The following FBLN2 variants were observed in gnomAD, a reference collection of about 807,000 sequenced individuals.
The protein encoded by FBLN2 is fibulin 2.
FBLN2 carries 81 observed loss-of-function variants against 123.7 expected under a neutral mutation model. The observed-to-expected ratio is 0.65, with a 90% CI of 0.55 to 0.79. The LOEUF (loss-of-function observed/expected upper bound fraction) is 0.79. Among genes scored for constraint, FBLN2 ranks in the 30% least tolerant of loss-of-function variants. FBLN2 has a pLI of 0.00. For missense variants in FBLN2, 1,603 were observed against 1,681.3 expected (o/e 0.95, Z 0.81); for synonymous variants, 699 against 701.4 (o/e 1.00, Z 0.05).
intron 9 of FBLN2, among the ~76,000 whole-genome samples, chr3:13,626,226 G>C (rs1388782610): frequency 6.6e-6 from 1 of 152,224 alleles, no homozygotes; most frequent in African/African-American, 2.4e-5. Flanking sequence ...TGTACACCCA[G>C]TGCCAAGAAC....
At chr3:13,590,182 A>AT (rs1033852561) in intron 2 of FBLN2, among the ~76,000 whole-genome samples, 63 of 152,022 alleles carry the variant, frequency 4.1e-4, no homozygotes, top group Non-Finnish European at 5.0e-4. Context: ...ATTATTTTTT[A>AT]TTTTTTTGTA....
chr3:13,560,871 T>G (rs1032616526), intron 1 of FBLN2, among the ~76,000 whole-genome samples: 1 of 151,992 alleles, frequency 6.6e-6, no homozygotes, highest in Non-Finnish European at 1.5e-5. Flanking sequence ...TGGAGTGCAG[T>G]GGTGTGATTA....
rs915869624 is a variant in FBLN2 at position 13,614,171 on chromosome 3, G to A, written c.1729+7G>A. 1 of 1,609,200 alleles carries A rather than the reference G, an allele frequency of 6.2e-7. No homozygotes were observed. The highest frequency in any genetic ancestry group is 1.1e-5 in the South Asian group (1 of 91,006). On this transcript the variant is annotated splice_region_variant and intron_variant, in intron 5 of 17. Transcript: ENST00000404922. Reference sequence around the variant, plus strand: ...GCAGCTGCACCACGGAGAGGTGAGTGCTGCTCTTCCCTGGCTGCGGCATAT... The same window carrying A: ...GCAGCTGCACCACGGAGAGGTGAGTACTGCTCTTCCCTGGCTGCGGCATAT...
intron 2 of FBLN2, among the ~76,000 whole-genome samples, chr3:13,573,386 T>C (rs1704025642): frequency 1.3e-5 from 2 of 151,956 alleles, no homozygotes; most frequent in Non-Finnish European, 2.9e-5. Context: ...CAGGGAGCCT[T>C]CCCTGACCCC....
chr3:13,634,197 C>T (rs563125416), intron 16 of FBLN2, among the ~76,000 whole-genome samples: 1 of 152,348 alleles, frequency 6.6e-6, no homozygotes, highest in Non-Finnish European at 1.5e-5. Flanking sequence ...CTGTTTCGTC[C>T]TTTTTGCTCT....
intron 11 of FBLN2, among the ~76,000 whole-genome samples, chr3:13,628,535 T>C (rs1706129463): frequency 6.6e-6 from 1 of 151,992 alleles, no homozygotes. Flanking sequence ...ATCAACTCCT[T>C]CCAAAAAAGG....
At chr3:13,607,153 A>G (rs1050401154) in intron 2 of FBLN2, among the ~76,000 whole-genome samples, 2 of 151,272 alleles carry the variant, frequency 1.3e-5, no homozygotes, top group Non-Finnish European at 2.9e-5. Flanking sequence ...GTGCCTGGCT[A>G]ATTTTTGTAT....
At position 13,626,476 on chromosome 3, in the gene FBLN2, G is replaced by C; in HGVS notation, c.2328G>C (p.Thr776=). 1.3e-6 allele frequency: 2 copies of C among 1,581,358 alleles called. No homozygotes were observed. The highest frequency in any genetic ancestry group is 1.7e-6 in the Non-Finnish European group (2 of 1,163,448). The stretch of plus-strand genomic sequence containing the variant: ...ACGAGTGTGTGACGGACCTGCACAC[G>C]TGCAGCCGGGGCGAGCACTGTGTGA... ...DINECVTDLH[T]CSRGEHCVNT... Residue 776 remains threonine (T), a synonymous_variant, in exon 10 of 18, where the codon ACG becomes ACC. Transcript: ENST00000404922.
chr3:13,564,166 A>G lies in FBLN2; in HGVS notation c.-41-6149A>G, dbSNP rs149724964. ...CCCACAAACACATCTGTGTGTGAAC[A>G]GGCTGGGTGGCTGGTTTGTGCCTGC... On this transcript the variant is annotated intron_variant, in intron 1 of 17. Transcript: ENST00000404922. Among the ~76,000 whole-genome samples the G allele has an allele frequency of 5.9e-5, 9 of 152,300 alleles. 1 individual carries two copies. The highest frequency in any genetic ancestry group is 2.2e-4 in the African/African-American group (9 of 41,556).
chr3:13,603,931 G>C (rs1705122236), intron 2 of FBLN2, among the ~76,000 whole-genome samples: 1 of 152,114 alleles, frequency 6.6e-6, no homozygotes, highest in South Asian at 2.1e-4. Context: ...TCACCATTCT[G>C]ACTGGTGTGA....
rs1364189359 is a variant in FBLN2, at chr3:13,549,133, C to T, written c.-117C>T. On this transcript the variant is annotated 5_prime_UTR_variant, in exon 1 of 18. Transcript: ENST00000404922. ...TCCGCCCCGCCCCGCGCGCACACAG[C>T]CAGGGGCCGCCCGGGCTCTCGACGC... 1 of 982,598 alleles carries T rather than the reference C, an allele frequency of 1.0e-6. No individual in the cohort carries two copies. The highest frequency in any genetic ancestry group is 1.2e-6 in the Non-Finnish European group (1 of 828,908). The allele number at this position is 982,598 out of a possible 1,614,324, so 60.9% of individuals were successfully genotyped here. A position where few individuals can be genotyped will look rare whatever the true frequency, so the allele number is the denominator to read the frequency against.
At chr3:13,631,803 G>A (rs935741616) in intron 16 of FBLN2, among the ~76,000 whole-genome samples, 3 of 152,186 alleles carry the variant, frequency 2.0e-5, no homozygotes, top group African/African-American at 7.2e-5. Flanking sequence ...CCCAGGCAGT[G>A]TCCCGAGTCT....
chr3:13,614,222 C>T (rs1705501628), intron 5 of FBLN2, 58 bp downstream of exon 5: 5 of 1,542,888 alleles, frequency 3.2e-6, no homozygotes, highest in South Asian at 1.2e-5. Context: ...TGACCTCTGG[C>T]CTTCTGTGGG....
Position 13,618,115 on chromosome 3 carries a change from T to C in FBLN2, c.1769T>C (p.Leu590Pro), listed in dbSNP as rs1705698079. The C allele has an allele frequency of 1.2e-6, 2 of 1,613,494 alleles. No individual in the cohort carries two copies. Among genetic ancestry groups the C allele is most frequent in the Admixed American group, 3.3e-5 (2 of 60,032 alleles). Residue 590 changes from leucine to proline, a missense_variant, in exon 6 of 18, where the codon CTG (leucine) becomes CCG (proline). By Grantham distance (98) the Leu-to-Pro change is moderately conservative. Coordinates refer to ENST00000404922, the MANE Select transcript of FBLN2 (RefSeq NM_001004019.2). ...ATGGCGGGCCGAGAGGCCCTGTCAC[T>C]GGGCACAGAGGCCGAGCTGCCGAAC... ...AEMAGREALSLGTEAELPNSL... is the reference protein window; with the variant it reads ...AEMAGREALSPGTEAELPNSL...
At chr3:13,605,570 G>A (rs1353807428) in intron 2 of FBLN2, among the ~76,000 whole-genome samples, 1 of 152,184 alleles carries the variant, frequency 6.6e-6, no homozygotes, top group East Asian at 1.9e-4. Flanking sequence ...CCTGCATGTA[G>A]CATGGCCCCA....
intron 2 of FBLN2, among the ~76,000 whole-genome samples, chr3:13,574,146 G>A (rs1256583193): frequency 5.9e-5 from 9 of 152,206 alleles, no homozygotes; most frequent in African/African-American, 2.2e-4. Flanking sequence ...GTGGACAGCA[G>A]CAGTCATTTG....
At chr3:13,580,488 G>A (rs963830761) in intron 2 of FBLN2, among the ~76,000 whole-genome samples, 19 of 152,210 alleles carry the variant, frequency 1.2e-4, no homozygotes, top group African/African-American at 4.6e-4. Flanking sequence ...GATTCACACA[G>A]TCAACAAAAT....
chr3:13,570,381 G>T lies in FBLN2; in HGVS notation c.26G>T (p.Gly9Val). MVLLWEPA[G>V]AWLALGLALA... ...ATGGTGCTGCTCTGGGAGCCTGCAG[G>T]AGCCTGGCTTGCTCTGGGCCTGGCC... Residue 9 changes from glycine (G) to valine (V), a missense_variant, in exon 2 of 18, where the codon GGA becomes GTA. By Grantham distance (109) the Gly-to-Val change is moderately radical (BLOSUM62 -3). Coordinates refer to ENST00000404922, the MANE Select transcript of FBLN2 (RefSeq NM_001004019.2). The T allele has an allele frequency of 6.4e-7, 1 of 1,572,258 alleles. No homozygotes were observed.
chr3:13,556,628 G>C (rs891029582), intron 1 of FBLN2, among the ~76,000 whole-genome samples: 1 of 152,236 alleles, frequency 6.6e-6, no homozygotes, highest in Admixed American at 6.5e-5. Flanking sequence ...CCCCAAGGCA[G>C]GGTGTGGTGG....
Sources: allele counts gnomAD v4.1 joint callset (sites outside exome capture counted in the v4.1 genomes callset), GRCh38; gene constraint gnomAD v4.1.1; transcripts MANE v1.5; gene names NCBI Gene and HGNC (gene_info 2026-07-23, HGNC 2026-07-21).